PLEKHG5: variants seen among roughly 807,000 people sequenced by gnomAD.
PLEKHG5 encodes the protein pleckstrin homology and RhoGEF domain containing G5.
PLEKHG5 carries 52 observed loss-of-function variants against 103.8 expected under a neutral mutation model. That is an observed-to-expected ratio of 0.50 (90% CI 0.40 to 0.63). PLEKHG5 has a LOEUF of 0.63. PLEKHG5 is among the 30% of genes least tolerant of loss of function. PLEKHG5 has a pLI of 0.00. For synonymous variants in PLEKHG5, 592 were observed against 575.5 expected, an observed-to-expected ratio of 1.03 and a Z score of -0.41; for missense variants, 1,205 against 1,347.6, an observed-to-expected ratio of 0.89 and a Z score of 1.66.
intron 1 of PLEKHG5, among the ~76,000 whole-genome samples, chr1:6,514,596 A>G (rs1296350147): frequency 3.3e-5 from 5 of 151,648 alleles, no homozygotes; most frequent in African/African-American, 1.2e-4. Flanking sequence ...CCTTGTCTCT[A>G]CTAAAAATAC....
chr1:6,489,486 G>A (rs942828900), intron 1 of PLEKHG5, among the ~76,000 whole-genome samples: 1 of 152,194 alleles, frequency 6.6e-6, no homozygotes, highest in Admixed American at 6.5e-5. Context: ...CCCAGGGAGC[G>A]GTCCTGGCTA....
Position 6,467,946 on chromosome 1 carries a change from C to G in PLEKHG5, c.2890G>C (p.Ala964Pro). The G allele has an allele frequency of 6.3e-7, 1 of 1,574,840 alleles. No individual in the cohort carries two copies. Among genetic ancestry groups the G allele is most frequent in the Admixed American group, 1.9e-5 (1 of 53,792 alleles). ...RKRCGDLPSG[A>P]SPRVQPEPPP... ...GGCTCAGGCTGGACCCTGGGAGAGGCCCCCGAGGGCAGGTCTCCACACCTC... is the reference window on the plus strand; with the variant it reads ...GGCTCAGGCTGGACCCTGGGAGAGGGCCCCGAGGGCAGGTCTCCACACCTC... The change falls in exon 20 of 21, where the codon GCC becomes CCC. Residue 964 changes from alanine (A) to proline (P), a missense_variant. Physicochemically the swap from Ala to Pro is conservative, Grantham distance 27. Coordinates refer to ENST00000377728, the MANE Select transcript of PLEKHG5 (RefSeq NM_020631.6).
chr1:6,475,332 C>T (rs1644735032), intron 4 of PLEKHG5, 130 bp downstream of exon 4: 3 of 822,450 alleles, frequency 3.6e-6, no homozygotes, highest in Non-Finnish European at 6.4e-6. Flanking sequence ...AAGGGAACCC[C>T]AGCGATCTCC....
At chr1:6,484,754 A>G (rs1319120578) in intron 1 of PLEKHG5, among the ~76,000 whole-genome samples, 1 of 152,078 alleles carries the variant, frequency 6.6e-6, no homozygotes, top group African/African-American at 2.4e-5. Context: ...GAGGGACACC[A>G]GGGTCCGGGG....
chr1:6,503,192 GATC>G (rs1645314884), intron 1 of PLEKHG5, among the ~76,000 whole-genome samples: 1 of 152,150 alleles, frequency 6.6e-6, no homozygotes, highest in Middle Eastern at 3.2e-3. Flanking sequence ...GAGGCAGAAG[GATC>G]ATTTTAGTCC....
At chr1:6,470,967 G>T in intron 13 of PLEKHG5, 23 bp downstream of exon 13, 2 of 1,285,998 alleles carry the variant, frequency 1.6e-6, no homozygotes, top group Non-Finnish European at 1.1e-6. Flanking sequence ...CTGCGCCCCC[G>T]CCCACGGCAC....
At chr1:6,494,590 A>G (rs1484861602), upstream of PLEKHG5, among the ~76,000 whole-genome samples, 15 of 152,066 alleles carry the variant, frequency 9.9e-5, no homozygotes, top group African/African-American at 2.4e-5. Context: ...ATCATCATCG[A>G]CAATGTTATT....
At chr1:6,489,025 G>T (rs1645093837) in intron 1 of PLEKHG5, among the ~76,000 whole-genome samples, 1 of 152,130 alleles carries the variant, frequency 6.6e-6, no homozygotes, top group African/African-American at 2.4e-5. Context: ...GTGGGAGAGG[G>T]ACTTCCCTGT....
upstream of PLEKHG5, among the ~76,000 whole-genome samples, chr1:6,495,244 G>A (rs1645206581): frequency 6.6e-6 from 1 of 152,228 alleles, no homozygotes; most frequent in South Asian, 2.1e-4. Flanking sequence ...CCCAATGCCA[G>A]GCACCATCCG....
chr1:6,486,486 G>A lies in PLEKHG5; in HGVS notation c.-88+5151C>T, dbSNP rs1645040604. ...AGAGGCCGAGAGCCAAAGGCCGGTG[G>A]CCTCTGGAAAGGGCCGTGGGCAGAA... On this transcript the variant is annotated intron_variant, in intron 1 of 20. Transcript: ENST00000377728. The surrounding 1 kb of genome is among the most constrained non-coding windows in gnomAD (Gnocchi z 5.3). 6.6e-6 allele frequency among the ~76,000 whole-genome samples: 1 copy of A among 152,370 alleles called. No homozygotes were observed. Among genetic ancestry groups the A allele is most frequent in the East Asian group, 1.9e-4 (1 of 5,182 alleles).
At position 6,469,032 on chromosome 1, in the gene PLEKHG5, G is replaced by A; in HGVS notation, c.2249+10C>T. On this transcript the variant is annotated intron_variant, in intron 19 of 20. Coordinates refer to ENST00000377728, the MANE Select transcript of PLEKHG5 (RefSeq NM_020631.6). ...GGTTTGACCTGCTGGGTGGTCATGA[G>A]CAGACGTACCAGTGCTGAGAGTCGG... 6.2e-7 allele frequency: 1 copy of A among 1,611,522 alleles called. No individual in the cohort carries two copies. The highest frequency in any genetic ancestry group is 8.5e-7 in the Non-Finnish European group (1 of 1,177,964).
At chr1:6,471,934 G>A (rs1056544656) in intron 10 of PLEKHG5, 126 bp from the exon 11 acceptor site, 9 of 932,500 alleles carry the variant, frequency 9.7e-6, no homozygotes, top group Admixed American at 6.0e-5. Context: ...CAGCAGCCAC[G>A]GATAAGAAGG....
rs1281693123 is a variant in PLEKHG5, at chr1:6,470,727, A to G, written c.1542+8T>C. The G allele has an allele frequency of 5.8e-6, 9 of 1,555,226 alleles. No homozygotes were observed. In the African/African-American group the frequency reaches 9.5e-5, roughly 16 times the overall value. On this transcript the variant is annotated splice_region_variant and intron_variant, in intron 14 of 20. Transcript: ENST00000377728. ...GGGGGGACGGCTCCCGCTGGCCATC[A>G]GGGTTACCATGGCGACGACGGCCTC...
At position 6,471,106 on chromosome 1, in the gene PLEKHG5, C is replaced by T. The variant is rs1213107268; in HGVS notation, c.1282-6G>A. 4.5e-6 allele frequency: 7 copies of T among 1,572,188 alleles called. No individual in the cohort carries two copies. The highest frequency in any genetic ancestry group is 3.4e-6 in the Non-Finnish European group (4 of 1,159,708). ...GGCTTGAAGAGCGAGCCGAACTGGCCCGGGGCAGAACAACCACGGCGCCGG... is the reference window on the plus strand; with the variant it reads ...GGCTTGAAGAGCGAGCCGAACTGGCTCGGGGCAGAACAACCACGGCGCCGG... On this transcript the variant is annotated splice_region_variant and splice_polypyrimidine_tract_variant and intron_variant, in intron 12 of 20. Coordinates refer to ENST00000377728, the MANE Select transcript of PLEKHG5 (RefSeq NM_020631.6).
chr1:6,469,955 C>T (rs1644517720), intron 16 of PLEKHG5, among the ~76,000 whole-genome samples: 1 of 152,218 alleles, frequency 6.6e-6, no homozygotes, highest in Non-Finnish European at 1.5e-5. Flanking sequence ...GGCCATGGCA[C>T]AGTAGCAAGG....
intron 1 of PLEKHG5, among the ~76,000 whole-genome samples, chr1:6,513,940 T>C (rs1446750978): frequency 6.6e-6 from 1 of 152,256 alleles, no homozygotes; most frequent in African/African-American, 2.4e-5. Flanking sequence ...TCAACCCATC[T>C]TGGCATTACA....
chr1:6,519,205 C>G (rs1431112618), intron 1 of PLEKHG5, among the ~76,000 whole-genome samples: 2 of 152,224 alleles, frequency 1.3e-5, no homozygotes, highest in Non-Finnish European at 2.9e-5. Flanking sequence ...AGCAGCAAGT[C>G]CCCCTCCTCT....
At chr1:6,476,174 A>C in intron 2 of PLEKHG5, 138 bp from the exon 3 acceptor site, 1 of 733,480 alleles carries the variant, frequency 1.4e-6, no homozygotes, top group Non-Finnish European at 2.4e-6. Context: ...TTCTGTGAGG[A>C]GAGGGGCTCA....
intron 1 of PLEKHG5, among the ~76,000 whole-genome samples, chr1:6,503,105 A>G (rs748244733): frequency 6.6e-6 from 1 of 152,224 alleles, no homozygotes; most frequent in Non-Finnish European, 1.5e-5. Context: ...TGGATATTCC[A>G]GGAGCCTAGT....
Sources: gnomAD v4.1 joint callset for allele counts (sites outside exome capture counted in the v4.1 genomes callset) on GRCh38, gnomAD v4.1.1 for gene constraint, Gnocchi (gnomAD v3.1) non-coding constraint, MANE v1.5 for transcripts, NCBI Gene and HGNC (gene_info 2026-07-23, HGNC 2026-07-21) for gene names.